SCN9A: variants seen among roughly 807,000 people sequenced by gnomAD.
SCN9A encodes the protein sodium channel protein type 9 subunit alpha.
A neutral mutation model predicts 187.0 loss-of-function variants in SCN9A; 131 were observed. The observed-to-expected ratio is 0.70, with a 90% confidence interval of 0.61 to 0.81. SCN9A has a LOEUF of 0.81. Ranked by LOEUF, SCN9A falls within the 30% of genes least tolerant of loss-of-function variation. The pLI is 0.00. For synonymous variants in SCN9A, 809 were observed against 808.6 expected (o/e 1.00, Z -0.01); for missense variants, 2,252 against 2,396.6 (o/e 0.94, Z 1.26).
At chr2:166,301,911 T>C (rs1698570098) in intron 7 of SCN9A, 1 of 151,068 alleles carries the variant, frequency 6.6e-6, no homozygotes, top group Admixed American at 6.6e-5. Flanking sequence ...AACATTTTAC[T>C]TCAAAACTTT....
At chr2:166,225,540 C>T (rs1164805655) in intron 24 of SCN9A, among the ~76,000 whole-genome samples, 5 of 152,044 alleles carry the variant, frequency 3.3e-5, no homozygotes, top group African/African-American at 1.2e-4. Flanking sequence ...CCTCTGTGTG[C>T]CTTTCCTCAT....
chr2:166,309,939 TA>T (rs1312955447), intron 2 of SCN9A, among the ~76,000 whole-genome samples: 1 of 135,074 alleles, frequency 7.4e-6, no homozygotes, highest in East Asian at 2.0e-4. Context: ...CCCTCAGAAA[TA>T]ACGCCACATA....
intron 18 of SCN9A, among the ~76,000 whole-genome samples, chr2:166,244,850 T>C (rs972314375): frequency 6.6e-6 from 1 of 152,020 alleles, no homozygotes; most frequent in African/African-American, 2.4e-5. Flanking sequence ...TACAAAAATC[T>C]CCAAGCACTA....
In SCN9A at chr2:166,317,127, T is replaced by C. The variant is rs1046317306; in HGVS notation, c.-50-5321A>G. On this transcript the variant is annotated intron_variant, in intron 1 of 26. Coordinates refer to ENST00000642356, the MANE Select transcript of SCN9A (RefSeq NM_001365536.1). ...CAATGCATTTAACAAAGTTTAGCCC[T>C]AGTTAAGAGATTATGGATTATTTTT... Among the ~76,000 whole-genome samples the C allele has an allele frequency of 3.6e-5, 5 of 139,456 alleles. No individual in the cohort carries two copies. The East Asian group carries it at 1.0e-3, about 28-fold the overall frequency. 91.5% of individuals were successfully genotyped at this position (139,456 alleles called of 152,430 possible).
chr2:166,322,719 G>A (rs1269469984), intron 1 of SCN9A, among the ~76,000 whole-genome samples: 1 of 151,824 alleles, frequency 6.6e-6, no homozygotes, highest in East Asian at 1.9e-4. Context: ...GAATGTATTG[G>A]CCTTTTAAAC....
At chr2:166,303,043 T>A in intron 7 of SCN9A, 47 bp downstream of exon 7, 1 of 1,316,976 alleles carries the variant, frequency 7.6e-7, no homozygotes, top group Non-Finnish European at 1.1e-6. Context: ...GAGAGCAATG[T>A]TTTTAGCATT....
chr2:166,284,321 G>A, intron 12 of SCN9A, 132 bp downstream of exon 12: 1 of 1,017,916 alleles, frequency 9.8e-7, no homozygotes. Context: ...TGAATCAAAG[G>A]TGTGTTCCTA....
intron 1 of SCN9A, among the ~76,000 whole-genome samples, chr2:166,355,027 T>A (rs1349161468): frequency 6.6e-6 from 1 of 151,884 alleles, no homozygotes; most frequent in Non-Finnish European, 1.5e-5. Context: ...CCTCCAAACC[T>A]CATGGGCTCA....
At chr2:166,296,770 A>C (rs776725935) in intron 7 of SCN9A, among the ~76,000 whole-genome samples, 13 of 152,220 alleles carry the variant, frequency 8.5e-5, no homozygotes, top group Non-Finnish European at 1.8e-4. Context: ...AAACAACTAG[A>C]CATTAAATTA....
intron 17 of SCN9A, among the ~76,000 whole-genome samples, chr2:166,257,769 T>C (rs1390452950): frequency 1.3e-5 from 2 of 151,542 alleles, no homozygotes; most frequent in African/African-American, 4.8e-5. Context: ...TTATATGTTT[T>C]ATCTATACCT....
chr2:166,207,720 C>T (rs1169152883), intron 24 of SCN9A, among the ~76,000 whole-genome samples: 4 of 152,222 alleles, frequency 2.6e-5, no homozygotes, highest in East Asian at 1.9e-4. Flanking sequence ...GGATTACAGG[C>T]GTGAGCCACC....
Position 166,226,612 on chromosome 2 carries a change from C to A in SCN9A, c.4353G>T (p.Leu1451Phe). The part of the protein sequence containing the change: ...IIFGSFFTLN[L>F]FIGVIIDNFN... ...AATTATCTATGATGACACCAATGAACAAGTTCAAAGTGAAGAATGACCCAA... is the reference window on the plus strand; with the variant it reads ...AATTATCTATGATGACACCAATGAAAAAGTTCAAAGTGAAGAATGACCCAA... The change falls in exon 24 of 27, where the codon TTG becomes TTT. Residue 1451 changes from leucine (L) to phenylalanine (F), a missense_variant. Physicochemically the swap from Leu to Phe is conservative, Grantham distance 22. Transcript: ENST00000642356. 6.3e-7 allele frequency: 1 copy of A among 1,586,846 alleles called. No individual in the cohort carries two copies. The highest frequency in any genetic ancestry group is 8.6e-7 in the Non-Finnish European group (1 of 1,165,542).
intron 1 of SCN9A, among the ~76,000 whole-genome samples, chr2:166,350,498 G>A (rs1177918995): frequency 1.3e-5 from 2 of 152,176 alleles, no homozygotes; most frequent in African/African-American, 4.8e-5. Flanking sequence ...TTGATTTGGG[G>A]AAGAGGAATT....
chr2:166,285,181 A>G (rs1471585903), intron 11 of SCN9A, among the ~76,000 whole-genome samples: 1 of 152,192 alleles, frequency 6.6e-6, no homozygotes, highest in East Asian at 1.9e-4. Context: ...CTTTTTATAT[A>G]TCAATCCCCA....
chr2:166,370,192 AAATAAT>A lies in SCN9A; in HGVS notation c.-51+5499_-51+5504del, dbSNP rs752123654. 2.0e-3 allele frequency among the ~76,000 whole-genome samples: 284 copies of A among 141,380 alleles called. 2 individuals are homozygous for A. Among genetic ancestry groups the A allele is most frequent in the Admixed American group, 8.9e-3 (122 of 13,758 alleles). 92.8% of individuals were successfully genotyped at this position (141,380 alleles called of 152,430 possible). ...CATCCAGTGAAATTACCCCCAGTTA[AAATAAT>A]AATAATAATAATAATAATAATAATA... is the stretch of plus-strand genomic sequence containing the variant. On this transcript the variant is annotated intron_variant, in intron 1 of 26. Coordinates refer to ENST00000642356, the MANE Select transcript of SCN9A (RefSeq NM_001365536.1).
chr2:166,358,997 T>A (rs1700217321), intron 1 of SCN9A, among the ~76,000 whole-genome samples: 1 of 152,230 alleles, frequency 6.6e-6, no homozygotes, highest in Non-Finnish European at 1.5e-5. Flanking sequence ...GGTGTCCCAA[T>A]GATAACTATT....
chr2:166,336,558 C>T (rs191918870), intron 1 of SCN9A, among the ~76,000 whole-genome samples: 2 of 152,222 alleles, frequency 1.3e-5, no homozygotes, highest in African/African-American at 4.8e-5. Flanking sequence ...GAAACCTATG[C>T]TTAGACCACA....
At chr2:166,299,151 T>TC (rs1340966143) in intron 7 of SCN9A, among the ~76,000 whole-genome samples, 1 of 152,212 alleles carries the variant, frequency 6.6e-6, no homozygotes, top group Admixed American at 6.5e-5. Context: ...CTGAATTGAT[T>TC]CATATATAAC....
chr2:166,199,747 C>T lies in SCN9A; in HGVS notation c.4892G>A (p.Arg1631His), dbSNP rs201079869. 1.2e-6 allele frequency: 2 copies of T among 1,614,068 alleles called. No individual in the cohort carries two copies. The highest frequency in any genetic ancestry group is 1.7e-6 in the Non-Finnish European group (2 of 1,180,008). ...CATCATCAAAGCAAAGAGCAGCGTG[C>T]GGATCCCCTTTGCTCCTTTGACTAG... ...LRLVKGAKGI[R>H]TLLFALMMSL... Residue 1631 changes from arginine to histidine, a missense_variant, in exon 27 of 27, where the codon CGC becomes CAC. Around this residue, in one of 7 missense-constraint regions of SCN9A, gnomAD observed 84 missense variants for 134.2 expected, o/e 0.63. Transcript: ENST00000642356.
Sources: gnomAD v4.1 joint callset for allele counts (sites outside exome capture counted in the v4.1 genomes callset) on GRCh38, gnomAD v4.1.1 for gene constraint, gnomAD v4.1.1 regional missense constraint, MANE v1.5 for transcripts, NCBI Gene and HGNC (gene_info 2026-07-23, HGNC 2026-07-21) for gene names.